Variants in CORIN observed in about 807,000 individuals in gnomAD.
CORIN encodes the protein corin, serine peptidase, also known as atrial natriuretic peptide-converting enzyme.
Under a neutral mutation model 125.3 loss-of-function variants are expected in CORIN, and 117 were observed. The observed-to-expected ratio is 0.93, with a 90% CI of 0.80 to 1.09. The LOEUF (loss-of-function observed/expected upper bound fraction) is 1.09. CORIN is among the 50% of genes least tolerant of loss of function. The pLI is 0.00. For synonymous variants in CORIN, 450 were observed against 466.4 expected (o/e 0.96, Z 0.45); for missense variants, 1,253 against 1,306.7 (o/e 0.96, Z 0.63).
At chr4:47,775,641 G>T (rs185422499) in intron 3 of CORIN, among the ~76,000 whole-genome samples, 79 of 152,238 alleles carry the variant, frequency 5.2e-4, no homozygotes, top group African/African-American at 1.9e-3. Flanking sequence ...CAGAGGGAAG[G>T]TGCTGAGGGT....
At chr4:47,796,097 C>T (rs1196096762) in intron 2 of CORIN, among the ~76,000 whole-genome samples, 1 of 152,004 alleles carries the variant, frequency 6.6e-6, no homozygotes, top group African/African-American at 2.4e-5. Context: ...TCGCATGATC[C>T]AGCAATCCCA....
intron 2 of CORIN, among the ~76,000 whole-genome samples, chr4:47,788,046 A>AT (rs933536594): frequency 6.6e-6 from 1 of 152,238 alleles, no homozygotes; most frequent in African/African-American, 2.4e-5. Context: ...GAGATCGTGT[A>AT]TTTTTAACTC....
rs563047314 is a variant in CORIN at position 47,716,702 on chromosome 4, T to C, written c.800-23619A>G. 2.8e-4 allele frequency among the ~76,000 whole-genome samples: 42 copies of C among 152,302 alleles called. 1 individual carries two copies. The highest frequency in any genetic ancestry group is 2.2e-3 in the Admixed American group (34 of 15,302). On this transcript the variant is annotated intron_variant, in intron 5 of 21. Transcript: ENST00000273857. ...TGTATATGTTCACTTAGAATGCTTT[T>C]AAAATTTATAGCTAAATCCAGCTAC...
chr4:47,616,536 T>C (rs1279471383), intron 19 of CORIN, among the ~76,000 whole-genome samples: 2 of 152,178 alleles, frequency 1.3e-5, no homozygotes, highest in Non-Finnish European at 2.9e-5. Flanking sequence ...AAAATGAAAG[T>C]ATTTCAAGAA....
chr4:47,757,183 A>G (rs1034916210), intron 4 of CORIN, among the ~76,000 whole-genome samples: 4 of 152,184 alleles, frequency 2.6e-5, no homozygotes, highest in Non-Finnish European at 4.4e-5. Context: ...TTTTTATAAT[A>G]CATTTTACTT....
intron 1 of CORIN, among the ~76,000 whole-genome samples, chr4:47,829,185 A>AAAAG (rs1732870062): frequency 7.1e-6 from 1 of 140,922 alleles, no homozygotes; most frequent in African/African-American, 2.6e-5. Flanking sequence ...AAAAAAAAAA[A>AAAAG]GGTGAAATAT....
At chr4:47,790,741 T>G (rs61756965) in intron 2 of CORIN, among the ~76,000 whole-genome samples, 12 of 152,198 alleles carry the variant, frequency 7.9e-5, no homozygotes, top group Admixed American at 6.5e-4. Flanking sequence ...AATATCAATT[T>G]CATTTTACTA....
chr4:47,604,024 A>T (rs1050901634), intron 19 of CORIN, among the ~76,000 whole-genome samples: 3 of 152,210 alleles, frequency 2.0e-5, no homozygotes, highest in African/African-American at 7.2e-5. Context: ...GGAAGCCAAG[A>T]CTAAGAGATT....
At chr4:47,791,030 C>A (rs1383222527) in intron 2 of CORIN, among the ~76,000 whole-genome samples, 5 of 151,938 alleles carry the variant, frequency 3.3e-5, no homozygotes, top group Admixed American at 3.3e-4. Context: ...TAATGCTCCC[C>A]CAGAGATGCC....
chr4:47,640,906 G>C (rs1017816253), intron 16 of CORIN, among the ~76,000 whole-genome samples: 4 of 152,098 alleles, frequency 2.6e-5, no homozygotes, highest in Admixed American at 1.3e-4. Flanking sequence ...ATTTCATTTA[G>C]ACACAATAAG....
At chr4:47,752,410 G>A (rs561570024) in intron 4 of CORIN, among the ~76,000 whole-genome samples, 59 of 152,210 alleles carry the variant, frequency 3.9e-4, no homozygotes, top group African/African-American at 1.3e-3. Context: ...TGAATCACAC[G>A]CAGAGGTGAC....
At chr4:47,670,629 G>T (rs1005647605) in intron 10 of CORIN, among the ~76,000 whole-genome samples, 4 of 152,220 alleles carry the variant, frequency 2.6e-5, no homozygotes, top group Non-Finnish European at 5.9e-5. Flanking sequence ...GAGAGGGCCT[G>T]GGACATGACA....
At chr4:47,725,469 G>A (rs1242716492) in intron 5 of CORIN, among the ~76,000 whole-genome samples, 4 of 151,968 alleles carry the variant, frequency 2.6e-5, no homozygotes, top group Non-Finnish European at 5.9e-5. Context: ...ATAGACCCAC[G>A]AGAATAAGGT....
chr4:47,758,039 G>C (rs951413504), intron 4 of CORIN, among the ~76,000 whole-genome samples: 1 of 151,292 alleles, frequency 6.6e-6, no homozygotes, highest in Non-Finnish European at 1.5e-5. Context: ...TCAGCCTCCC[G>C]AGTAGCTGGG....
chr4:47,709,378 C>T (rs929832096), intron 5 of CORIN, among the ~76,000 whole-genome samples: 21 of 152,250 alleles, frequency 1.4e-4, no homozygotes, highest in Admixed American at 1.2e-3. Flanking sequence ...ACTGCAGCCT[C>T]GATCTCCCAG....
chr4:47,597,126 C>CAG (rs577882304), intron 21 of CORIN, among the ~76,000 whole-genome samples: 40 of 152,184 alleles, frequency 2.6e-4, no homozygotes, highest in African/African-American at 9.6e-4. Context: ...CCGAGGCAGG[C>CAG]AGATGACTTG....
At chr4:47,693,120 A>T (rs746811077) in intron 5 of CORIN, 37 bp from the exon 6 acceptor site, 1 of 1,348,496 alleles carries the variant, frequency 7.4e-7, no homozygotes, top group Admixed American at 1.8e-5. Context: ...TCAGAATAAG[A>T]TGGGTTTTTT....
chr4:47,802,784 G>T (rs1194554348), intron 2 of CORIN, among the ~76,000 whole-genome samples: 1 of 152,146 alleles, frequency 6.6e-6, no homozygotes, highest in Admixed American at 6.5e-5. Context: ...TAGCCAAGTA[G>T]TGGTTATAGC....
chr4:47,605,302 G>A (rs1380074258), intron 19 of CORIN, among the ~76,000 whole-genome samples: 1 of 152,118 alleles, frequency 6.6e-6, no homozygotes, highest in Non-Finnish European at 1.5e-5. Context: ...GGATTTGGCT[G>A]GTCTTTTTCA....
Sources: gnomAD v4.1 joint callset for allele counts (sites outside exome capture counted in the v4.1 genomes callset) on GRCh38, gnomAD v4.1.1 for gene constraint, MANE v1.5 for transcripts, NCBI Gene and HGNC (gene_info 2026-07-23, HGNC 2026-07-21) for gene names.